Variants in UCHL5 observed in about 807,000 individuals in gnomAD.
The protein encoded by UCHL5 is ubiquitin carboxyl-terminal hydrolase isozyme L5.
A neutral mutation model predicts 53.8 loss-of-function variants in UCHL5; 34 were observed. The ratio of observed to expected loss-of-function variants is 0.63; its 90% CI spans 0.48 to 0.84. The LOEUF (loss-of-function observed/expected upper bound fraction) is 0.84. UCHL5 is among the 40% of genes least tolerant of loss of function. UCHL5 has a pLI of 0.00. For missense variants in UCHL5, 290 were observed against 385.6 expected (o/e 0.75, Z 2.08); for synonymous variants, 111 against 126.3 (o/e 0.88, Z 0.81).
chr1:193,027,627 G>A (rs1179572930), intron 7 of UCHL5, among the ~76,000 whole-genome samples: 1 of 152,190 alleles, frequency 6.6e-6, no homozygotes, highest in Non-Finnish European at 1.5e-5. Context: ...AGAGGTTGCA[G>A]TGAGCCGAGA....
At chr1:193,016,426 T>G (rs372962120) in intron 10 of UCHL5, 31 bp from the exon 11 acceptor site, 4 of 1,592,038 alleles carry the variant, frequency 2.5e-6, no homozygotes, top group Non-Finnish European at 3.4e-6. Context: ...GTTACAAAAT[T>G]TTAAAAGTCA....
At chr1:193,052,073 C>T (rs1011540101) in intron 1 of UCHL5, among the ~76,000 whole-genome samples, 2 of 152,112 alleles carry the variant, frequency 1.3e-5, no homozygotes, top group Non-Finnish European at 2.9e-5. Context: ...CTCTCTCTCT[C>T]AATCTCTGGC....
chr1:193,019,942 CAG>C (rs1378095914), intron 10 of UCHL5: 2 of 980,032 alleles, frequency 2.0e-6, no homozygotes, highest in Non-Finnish European at 2.4e-6. Context: ...ATATTTTTAA[CAG>C]AAAAACATTT....
Position 193,059,056 on chromosome 1 carries a change from AC to A in UCHL5, c.76+128del, listed in dbSNP as rs1558208652. On this transcript the variant is annotated intron_variant, in intron 1 of 10. Coordinates refer to ENST00000367454, the MANE Select transcript of UCHL5 (RefSeq NM_001199261.3). The surrounding 1 kb of genome is among the most constrained non-coding windows in gnomAD (Gnocchi z 4.9). Reference sequence around the variant, plus strand: ...AGGGCAGAACATCTACATTTCCCCCACCCGGACTCCAGGTTCCTGAAGTCAC... The same window carrying A: ...AGGGCAGAACATCTACATTTCCCCCACCGGACTCCAGGTTCCTGAAGTCAC... 1 of 914,004 alleles carries A rather than the reference AC, an allele frequency of 1.1e-6. No individual in the cohort carries two copies. Among genetic ancestry groups the A allele is most frequent in the Non-Finnish European group, 1.6e-6 (1 of 619,152 alleles). 56.6% of individuals were successfully genotyped at this position (914,004 alleles called of 1,614,324 possible).
In UCHL5 at chr1:193,018,877, T is replaced by C. The variant is rs185415987; in HGVS notation, c.942+2220A>G. On this transcript the variant is annotated intron_variant, in intron 10 of 10. Coordinates refer to ENST00000367454, the MANE Select transcript of UCHL5 (RefSeq NM_001199261.3). ...CCAACTTATCTATTTCTGAATTCTA[T>C]AGGTAATTTTTCTTAGAAGTATTAC... 3.3e-5 allele frequency: 49 copies of C among 1,483,252 alleles called. No individual in the cohort carries two copies. The African/African-American group carries it at 6.5e-4, about 20-fold the overall frequency. The allele number at this position is 1,483,252 out of a possible 1,614,324, so 91.9% of individuals were successfully genotyped here.
intron 1 of UCHL5, among the ~76,000 whole-genome samples, chr1:193,052,656 T>G (rs1013187051): frequency 1.3e-5 from 2 of 152,170 alleles, no homozygotes; most frequent in African/African-American, 4.8e-5. Flanking sequence ...CCATTTAAAC[T>G]CTACATTCCT....
chr1:193,053,227 G>C (rs987246649), intron 1 of UCHL5, among the ~76,000 whole-genome samples: 1 of 152,168 alleles, frequency 6.6e-6, no homozygotes, highest in African/African-American at 2.4e-5. Flanking sequence ...GTTTCTATCA[G>C]TGTCAAGAAG....
At chr1:193,040,439 A>G (rs889999969) in intron 3 of UCHL5, among the ~76,000 whole-genome samples, 2 of 152,226 alleles carry the variant, frequency 1.3e-5, no homozygotes, top group Admixed American at 6.5e-5. Context: ...TCAAAACCGC[A>G]ATGTTATCAT....
Position 193,051,761 on chromosome 1 carries a change from T to C in UCHL5, c.133A>G (p.Lys45Glu), listed in dbSNP as rs780193187. 3.1e-6 allele frequency: 5 copies of C among 1,589,664 alleles called. No individual in the cohort carries two copies. The Admixed American group carries it at 7.0e-5, about 22-fold the overall frequency. ...AACTAAAATTATACTTACTTTAATT[T>C]TTCAAAATTCTCAGGCTCTAAACTC... ...IWSLEPENFE[K>E]LKPVHGLIFL... Residue 45 changes from lysine (K) to glutamate (E), a missense_variant, in exon 2 of 11, where the codon AAA becomes GAA. Transcript: ENST00000367454.
chr1:193,041,236 A>G (rs1025489046), intron 3 of UCHL5, among the ~76,000 whole-genome samples: 1 of 152,238 alleles, frequency 6.6e-6, no homozygotes, highest in African/African-American at 2.4e-5. Context: ...GTATTAAATT[A>G]TCACATGTAT....
intron 8 of UCHL5, among the ~76,000 whole-genome samples, 179 bp downstream of exon 8, chr1:193,023,665 A>T (rs995384208): frequency 6.6e-6 from 1 of 152,210 alleles, no homozygotes; most frequent in Admixed American, 6.5e-5. Flanking sequence ...AAGGAAATAT[A>T]CTCAGATTCC....
intron 3 of UCHL5, among the ~76,000 whole-genome samples, chr1:193,044,068 G>T (rs1666587943): frequency 6.6e-6 from 1 of 152,200 alleles, no homozygotes; most frequent in African/African-American, 2.4e-5. Flanking sequence ...TGTCAGAGGT[G>T]AAGGTGGTCT....
intron 10 of UCHL5, chr1:193,018,734 T>C (rs1655772628): frequency 1.4e-6 from 2 of 1,441,468 alleles, no homozygotes; most frequent in Non-Finnish European, 1.8e-6. Flanking sequence ...AATCTCAGCA[T>C]ATAGTAGCAC....
chr1:193,036,722 G>A (rs576847311), intron 3 of UCHL5, among the ~76,000 whole-genome samples: 2 of 152,026 alleles, frequency 1.3e-5, no homozygotes, highest in South Asian at 4.1e-4. Flanking sequence ...AGCATACACC[G>A]AGGATAGACC....
At chr1:193,020,191 A>C in intron 10 of UCHL5, 1 of 1,373,570 alleles carries the variant, frequency 7.3e-7, no homozygotes, top group Non-Finnish European at 9.5e-7. Context: ...GGTAATATAC[A>C]CAAAAAACTT....
At chr1:193,030,597 C>G (rs1661027081) in intron 3 of UCHL5, among the ~76,000 whole-genome samples, 1 of 152,174 alleles carries the variant, frequency 6.6e-6, no homozygotes, top group Non-Finnish European at 1.5e-5. Context: ...TGAACACCAG[C>G]AAGGTTAATC....
At chr1:193,026,085 T>C (rs996598913) in intron 7 of UCHL5, among the ~76,000 whole-genome samples, 1 of 122,646 alleles carries the variant, frequency 8.2e-6, no homozygotes, top group African/African-American at 3.2e-5. Context: ...TGAATATGCA[T>C]AGGCAAAAAA....
At chr1:193,058,230 C>CA (rs1004922121) in intron 1 of UCHL5, among the ~76,000 whole-genome samples, 73 of 151,114 alleles carry the variant, frequency 4.8e-4, no homozygotes, top group African/African-American at 1.6e-3. Flanking sequence ...CTGTCTCAAA[C>CA]AAAAAAAAGA....
At chr1:193,018,287 G>A (rs938199074) in intron 10 of UCHL5, 5 of 170,430 alleles carry the variant, frequency 2.9e-5, no homozygotes, top group South Asian at 1.9e-4. Context: ...TTTACATCAC[G>A]TTAAGTTATT....
Sources: allele counts gnomAD v4.1 joint callset (sites outside exome capture counted in the v4.1 genomes callset), GRCh38; gene constraint gnomAD v4.1.1; non-coding constraint Gnocchi (gnomAD v3.1); transcripts MANE v1.5; gene names NCBI Gene and HGNC (gene_info 2026-07-23, HGNC 2026-07-21).